Variants in PLEKHA1 observed in about 807,000 individuals in gnomAD.
PLEKHA1 encodes the protein pleckstrin homology domain-containing family A member 1.
PLEKHA1 carries 34 observed loss-of-function variants against 52.0 expected under a neutral mutation model. The ratio of observed to expected loss-of-function variants is 0.65; its 90% confidence interval spans 0.50 to 0.87. The LOEUF (loss-of-function observed/expected upper bound fraction) is 0.87. Ranked by LOEUF, PLEKHA1 falls within the 40% of genes least tolerant of loss-of-function variation. The pLI is 0.00. For missense variants in PLEKHA1, 497 were observed against 504.2 expected, an observed-to-expected ratio of 0.99 and a Z score of 0.14; for synonymous variants, 163 against 170.7, an observed-to-expected ratio of 0.95 and a Z score of 0.35.
chr10:122,416,640 A>G (rs887042739), intron 7 of PLEKHA1, among the ~76,000 whole-genome samples: 1 of 152,180 alleles, frequency 6.6e-6, no homozygotes, highest in African/African-American at 2.4e-5. Context: ...TTCCATGATG[A>G]ATTTTTTGCA....
intron 7 of PLEKHA1, among the ~76,000 whole-genome samples, chr10:122,417,341 A>AG (rs2097191973): frequency 6.6e-6 from 1 of 151,470 alleles, no homozygotes. Context: ...AAAAAAAAAA[A>AG]GTTTCAACAT....
chr10:122,400,424 G>C, intron 4 of PLEKHA1, 36 bp downstream of exon 4: 1 of 1,543,170 alleles, frequency 6.5e-7, no homozygotes, highest in Non-Finnish European at 8.8e-7. Flanking sequence ...TAAATAGACT[G>C]ATATAATTGT....
intron 7 of PLEKHA1, 123 bp downstream of exon 7, chr10:122,416,125 A>T: frequency 9.5e-7 from 1 of 1,054,580 alleles, no homozygotes; most frequent in Non-Finnish European, 1.3e-6. Context: ...CGGCATGCTG[A>T]GGAGAGTCAG....
intron 1 of PLEKHA1, among the ~76,000 whole-genome samples, chr10:122,384,195 C>A (rs1325879555): frequency 6.6e-6 from 1 of 152,168 alleles, no homozygotes; most frequent in Non-Finnish European, 1.5e-5. Context: ...TTTCCCTTAA[C>A]ATTTTTTGCA....
At chr10:122,415,490 C>T (rs888048326) in intron 6 of PLEKHA1, among the ~76,000 whole-genome samples, 1 of 152,196 alleles carries the variant, frequency 6.6e-6, no homozygotes, top group African/African-American at 2.4e-5. Context: ...ATGTCCATTT[C>T]TTGTTTTTTG....
chr10:122,386,332 A>G (rs1237515119), intron 1 of PLEKHA1, among the ~76,000 whole-genome samples: 2 of 148,376 alleles, frequency 1.3e-5, no homozygotes, highest in Non-Finnish European at 3.0e-5. Flanking sequence ...CCATTTTCGT[A>G]TTTGGTTGTC....
intron 4 of PLEKHA1, among the ~76,000 whole-genome samples, chr10:122,402,853 TGA>T: frequency 6.6e-6 from 1 of 152,130 alleles, no homozygotes; most frequent in Admixed American, 6.5e-5. Flanking sequence ...ATATCTTAAA[TGA>T]AAGTCTGCAC....
intron 1 of PLEKHA1, among the ~76,000 whole-genome samples, chr10:122,392,593 C>T (rs922967492): frequency 5.9e-5 from 9 of 151,540 alleles, no homozygotes; most frequent in African/African-American, 1.2e-4. Context: ...ATCTAGAGTG[C>T]GGTAATCTGG....
At chr10:122,433,714 C>G (rs146181194), downstream of PLEKHA1, 10 of 152,114 alleles carry the variant, frequency 6.6e-5, no homozygotes, top group East Asian at 1.7e-3. Flanking sequence ...ATACATTGTC[C>G]TAGAATGCAA....
At chr10:122,427,102 A>G (rs1218024982) in intron 11 of PLEKHA1, 71 bp downstream of exon 11, 9 of 1,369,012 alleles carry the variant, frequency 6.6e-6, no homozygotes, top group Admixed American at 5.9e-5. Flanking sequence ...CTCTCTCCCA[A>G]TCCATCCGGT....
intron 1 of PLEKHA1, among the ~76,000 whole-genome samples, chr10:122,380,081 T>G (rs2096593595): frequency 6.6e-6 from 1 of 152,240 alleles, no homozygotes; most frequent in Non-Finnish European, 1.5e-5. Context: ...TAAGTGGAAA[T>G]ACAGTATTTG....
At chr10:122,389,149 A>G (rs754739057) in intron 1 of PLEKHA1, among the ~76,000 whole-genome samples, 3 of 152,228 alleles carry the variant, frequency 2.0e-5, no homozygotes, top group East Asian at 1.9e-4. Flanking sequence ...GCCCAGATCT[A>G]TCAGAGGAAT....
At chr10:122,401,510 G>T (rs935901892) in intron 4 of PLEKHA1, among the ~76,000 whole-genome samples, 1 of 151,320 alleles carries the variant, frequency 6.6e-6, no homozygotes, top group Non-Finnish European at 1.5e-5. Flanking sequence ...AGGGAAGAGA[G>T]AGGTAGCAGG....
In PLEKHA1 at chr10:122,426,142, G is replaced by A. The variant is rs144689418; in HGVS notation, c.811-800G>A. 6.5e-4 allele frequency among the ~76,000 whole-genome samples: 99 copies of A among 152,220 alleles called. 3 individuals carry two copies. In the East Asian group the frequency reaches 0.011, roughly 17 times the overall value. ...TAATAAAATGATGAAAAACATCTTT[G>A]TGCATTACTTTGCCTGATTTCTTTA... On this transcript the variant is annotated intron_variant, in intron 10 of 11. Coordinates refer to ENST00000368990, the MANE Select transcript of PLEKHA1 (RefSeq NM_001001974.4).
chr10:122,430,788 T>C lies in PLEKHA1; in HGVS notation c.*850T>C, dbSNP rs933252034. ...ATAACTGCCCTTAGTCATGAAATTG[T>C]TGTGACCTCTACTTTTTGTCACTAA... On this transcript the variant is annotated 3_prime_UTR_variant, in exon 12 of 12. Coordinates refer to ENST00000368990, the MANE Select transcript of PLEKHA1 (RefSeq NM_001001974.4). The C allele has an allele frequency of 6.6e-5, 10 of 152,412 alleles. No individual in the cohort carries two copies. Among genetic ancestry groups the C allele is most frequent in the Admixed American group, 1.3e-4 (2 of 15,304 alleles). The allele number at this position is 152,412 out of a possible 1,614,324, so 9.4% of individuals were successfully genotyped here.
chr10:122,427,896 GTATTA>G (rs2097363214), intron 11 of PLEKHA1, among the ~76,000 whole-genome samples: 1 of 152,070 alleles, frequency 6.6e-6, no homozygotes, highest in African/African-American at 2.4e-5. Context: ...TTTTCTGATA[GTATTA>G]TAATACCGCC....
Position 122,393,317 on chromosome 10 carries a change from C to T in PLEKHA1, c.117C>T (p.Phe39=), listed in dbSNP as rs142005373. ...YFILDTREDS[F]VWYMDNPQNL... ...TACTGGATACCAGAGAAGATAGTTT[C>T]GTGTGGTACATGGATAATCCACAGG... The change falls in exon 2 of 12, where the codon TTC becomes TTT. Residue 39 remains phenylalanine, a synonymous_variant. Transcript: ENST00000368990. This position sits in a 1 kb window ranked among gnomAD's most constrained non-coding sequence, Gnocchi z 4.5. 1.6e-5 allele frequency: 25 copies of T among 1,611,332 alleles called. No individual in the cohort carries two copies. Among genetic ancestry groups the T allele is most frequent in the African/African-American group, 1.3e-4 (10 of 74,802 alleles).
chr10:122,424,005 C>T (rs1219661614), intron 8 of PLEKHA1, 194 bp from the exon 9 acceptor site: 11 of 655,148 alleles, frequency 1.7e-5, no homozygotes, highest in Non-Finnish European at 2.4e-5. Flanking sequence ...TTTCAAACAA[C>T]AGTGTATATA....
intron 1 of PLEKHA1, among the ~76,000 whole-genome samples, chr10:122,385,563 G>T (rs1201277135): frequency 2.6e-5 from 4 of 152,164 alleles, no homozygotes; most frequent in African/African-American, 7.2e-5. Flanking sequence ...TGATCTGCCT[G>T]CTTTGGCCTC....
Sources: allele counts gnomAD v4.1 joint callset (sites outside exome capture counted in the v4.1 genomes callset), GRCh38; gene constraint gnomAD v4.1.1; non-coding constraint Gnocchi (gnomAD v3.1); transcripts MANE v1.5; gene names NCBI Gene and HGNC (gene_info 2026-07-23, HGNC 2026-07-21).